SLIT3: variants seen among roughly 807,000 people sequenced by gnomAD.
The protein encoded by SLIT3 is slit guidance ligand 3.
In SLIT3, 68 loss-of-function variants were observed where a neutral mutation model predicts 184.0. That is an observed-to-expected ratio of 0.37 (90% confidence interval 0.30 to 0.45). SLIT3 has a LOEUF of 0.45. Ranked by LOEUF, SLIT3 falls within the 20% of genes least tolerant of loss-of-function variation. SLIT3 has a pLI of 1.00. For missense variants in SLIT3, 1,707 were observed against 2,026.0 expected, an observed-to-expected ratio of 0.84 and a Z score of 3.02; for synonymous variants, 831 against 828.6, an observed-to-expected ratio of 1.00 and a Z score of -0.05.
intron 4 of SLIT3, among the ~76,000 whole-genome samples, chr5:169,006,786 G>A (rs908333740): frequency 3.9e-5 from 6 of 152,156 alleles, no homozygotes; most frequent in African/African-American, 1.4e-4. Context: ...GGAAGCCTGA[G>A]TGCCTCCCAC....
intron 12 of SLIT3, among the ~76,000 whole-genome samples, chr5:168,777,951 T>C (rs958883770): frequency 6.6e-6 from 1 of 152,202 alleles, no homozygotes; most frequent in Non-Finnish European, 1.5e-5. Flanking sequence ...AAAAGCACCA[T>C]ATTATGGAGC....
chr5:169,120,915 A>G (rs530534681), intron 4 of SLIT3, among the ~76,000 whole-genome samples: 1 of 152,076 alleles, frequency 6.6e-6, no homozygotes, highest in East Asian at 1.9e-4. Flanking sequence ...TTGATGCCAG[A>G]CCCTTTCTTA....
intron 4 of SLIT3, among the ~76,000 whole-genome samples, chr5:168,885,280 C>T (rs111330515): frequency 7.9e-5 from 12 of 152,174 alleles, no homozygotes; most frequent in African/African-American, 2.9e-4. Flanking sequence ...ATCTCAAATC[C>T]AGTTTCCTCT....
At chr5:168,731,307 C>G (rs72839528) in intron 20 of SLIT3, among the ~76,000 whole-genome samples, 1 of 151,778 alleles carries the variant, frequency 6.6e-6, no homozygotes, top group Non-Finnish European at 1.5e-5. Context: ...ATATCCCCCC[C>G]TAAACTGCCA....
intron 4 of SLIT3, among the ~76,000 whole-genome samples, chr5:168,967,722 G>A (rs1479268981): frequency 6.6e-6 from 1 of 151,914 alleles, no homozygotes; most frequent in African/African-American, 2.4e-5. Context: ...TTACAGGCGT[G>A]AGCCACCGCG....
intron 3 of SLIT3, among the ~76,000 whole-genome samples, chr5:169,219,230 C>T (rs1046779971): frequency 3.9e-5 from 6 of 152,196 alleles, no homozygotes; most frequent in East Asian, 1.9e-4. Flanking sequence ...CCAGCACAGA[C>T]CACAGCCTCT....
chr5:168,742,606 A>G (rs1034175459), intron 20 of SLIT3, among the ~76,000 whole-genome samples: 2 of 123,492 alleles, frequency 1.6e-5, no homozygotes, highest in Non-Finnish European at 1.7e-5. Context: ...AAAAACATAG[A>G]GGAGGAGTCA....
At chr5:168,732,458 T>C (rs1763315056) in intron 20 of SLIT3, among the ~76,000 whole-genome samples, 1 of 152,012 alleles carries the variant, frequency 6.6e-6, no homozygotes. Context: ...TTTCACAGAA[T>C]TAGAAAAAAA....
At chr5:168,903,006 C>T (rs1171258095) in intron 4 of SLIT3, among the ~76,000 whole-genome samples, 1 of 152,104 alleles carries the variant, frequency 6.6e-6, no homozygotes, top group Non-Finnish European at 1.5e-5. Flanking sequence ...GAAGGGTTTC[C>T]AGCAGGAGAG....
At chr5:168,900,115 T>C (rs1760813909) in intron 4 of SLIT3, among the ~76,000 whole-genome samples, 2 of 152,176 alleles carry the variant, frequency 1.3e-5, no homozygotes, top group South Asian at 2.1e-4. Flanking sequence ...AGAATGGCTA[T>C]TACTAAAAAG....
intron 4 of SLIT3, among the ~76,000 whole-genome samples, chr5:169,178,818 G>A (rs1488988399): frequency 6.6e-6 from 1 of 152,094 alleles, no homozygotes; most frequent in East Asian, 1.9e-4. Context: ...TTTGTGACAT[G>A]GATTAAAGAT....
At chr5:168,874,765 A>T (rs1242151178) in intron 5 of SLIT3, among the ~76,000 whole-genome samples, 1 of 152,216 alleles carries the variant, frequency 6.6e-6, no homozygotes, top group Non-Finnish European at 1.5e-5. Context: ...AATGGAGTCA[A>T]ATCTACCTGT....
At chr5:168,964,321 T>C (rs1005975519) in intron 4 of SLIT3, among the ~76,000 whole-genome samples, 1 of 152,246 alleles carries the variant, frequency 6.6e-6, no homozygotes, top group African/African-American at 2.4e-5. Context: ...TGTGGATTTA[T>C]GTGAGGGAGA....
intron 9 of SLIT3, among the ~76,000 whole-genome samples, chr5:168,801,239 T>C (rs1756756823): frequency 6.6e-6 from 1 of 152,136 alleles, no homozygotes; most frequent in Non-Finnish European, 1.5e-5. Context: ...TCTCAGAAAA[T>C]CCAAGAGTCA....
intron 4 of SLIT3, among the ~76,000 whole-genome samples, chr5:169,087,855 A>T (rs1051096204): frequency 1.3e-5 from 2 of 152,184 alleles, no homozygotes; most frequent in African/African-American, 2.4e-5. Context: ...CACAGGGAGG[A>T]ATGTATGCCT....
intron 32 of SLIT3, among the ~76,000 whole-genome samples, chr5:168,679,894 G>A (rs1761528863): frequency 6.6e-6 from 1 of 152,210 alleles, no homozygotes; most frequent in Non-Finnish European, 1.5e-5. Context: ...CAGGAGTGAG[G>A]ATCCAATGAG....
At chr5:168,911,378 C>A (rs2113081404) in intron 4 of SLIT3, among the ~76,000 whole-genome samples, 1 of 152,262 alleles carries the variant, frequency 6.6e-6, no homozygotes, top group Admixed American at 6.5e-5. Context: ...CACAAGAGAA[C>A]AACTGCATTG....
intron 4 of SLIT3, among the ~76,000 whole-genome samples, chr5:168,921,279 C>T (rs1761627347): frequency 6.6e-6 from 1 of 152,196 alleles, no homozygotes; most frequent in South Asian, 2.1e-4. Context: ...GAATACTTTA[C>T]TTCTCTCACG....
rs112713934 is a variant in SLIT3 at position 169,246,196 on chromosome 5, G to T, written c.270-1420C>A. 7.7e-3 allele frequency among the ~76,000 whole-genome samples: 1,175 copies of T among 152,216 alleles called. 15 individuals are homozygous for T. The highest frequency in any genetic ancestry group is 0.027 in the African/African-American group (1,129 of 41,520). On this transcript the variant is annotated intron_variant, in intron 2 of 35. Transcript: ENST00000519560. ...GCTCTCACATTTCCAAATATCCATT[G>T]ACCAGAAGTAGAACTGGTCAGGCGA... is the stretch of plus-strand genomic sequence containing the variant.
Sources: allele counts gnomAD v4.1 joint callset (sites outside exome capture counted in the v4.1 genomes callset), GRCh38; gene constraint gnomAD v4.1.1; transcripts MANE v1.5; gene names NCBI Gene and HGNC (gene_info 2026-07-23, HGNC 2026-07-21).